Variants in SKP2 observed in about 807,000 individuals in gnomAD.
SKP2 encodes S-phase kinase associated protein 2.
A neutral mutation model predicts 51.8 loss-of-function variants in SKP2; 16 were observed. That is an observed-to-expected ratio of 0.31 (90% CI 0.21 to 0.47). The LOEUF is 0.47. Among genes scored for constraint, SKP2 ranks in the 20% least tolerant of loss-of-function variants. SKP2 has a pLI of 1.00. For missense variants in SKP2, 377 were observed against 505.3 expected (o/e 0.75, Z 2.43); for synonymous variants, 176 against 198.6 (o/e 0.89, Z 0.96).
rs982106091 is a variant in SKP2 at position 36,180,168 on chromosome 5, A to G, written c.1062-1650A>G. The G allele has an allele frequency of 4.7e-6, 3 of 640,452 alleles. No homozygotes were observed. The African/African-American group carries it at 5.6e-5, about 12-fold the overall frequency. The allele number at this position is 640,452 out of a possible 1,614,324, so 39.7% of individuals were successfully genotyped here. ...CAGTTTCTTCCCTTAAATATTCTCC[A>G]GTGCAGAATGGCTCACAATTTGGCT... On this transcript the variant is annotated intron_variant, in intron 9 of 9. Coordinates refer to ENST00000274255, the MANE Select transcript of SKP2 (RefSeq NM_005983.4).
Position 36,182,587 on chromosome 5 carries a change from A to G in SKP2, c.*556A>G, listed in dbSNP as rs1472807030. The G allele has an allele frequency of 1.3e-5, 13 of 982,904 alleles. No homozygotes were observed. Among genetic ancestry groups the G allele is most frequent in the African/African-American group, 1.2e-4 (7 of 57,192 alleles). The allele number at this position is 982,904 out of a possible 1,614,324, so 60.9% of individuals were successfully genotyped here. ...TTGCCTTTAGATTTGAAATTAGGTT[A>G]ATAGAAATAAGTAACCCCATGTAAT... On this transcript the variant is annotated 3_prime_UTR_variant, in exon 10 of 10. Transcript: ENST00000274255.
At chr5:36,154,338 A>G (rs1490773736) in intron 2 of SKP2, among the ~76,000 whole-genome samples, 1 of 152,138 alleles carries the variant, frequency 6.6e-6, no homozygotes, top group Non-Finnish European at 1.5e-5. Flanking sequence ...TGGTGCATAA[A>G]TGTGACGTAT....
At chr5:36,166,333 A>G (rs187003507) in intron 3 of SKP2, among the ~76,000 whole-genome samples, 186 bp from the exon 4 acceptor site, 26 of 152,370 alleles carry the variant, frequency 1.7e-4, no homozygotes, top group South Asian at 1.4e-3. Context: ...TGGTGAAATC[A>G]AGAAAAATTC....
Position 36,184,076 on chromosome 5 carries a change from A to AACCAC in SKP2, c.*2046_*2047insCCACA. ...ATTCCTTTTTTCTTTCTCTTTTTTT[A>AACCAC]AGTGCTGTGGTTAAAATTTGAAAGC... On this transcript the variant is annotated 3_prime_UTR_variant, in exon 10 of 10. Transcript: ENST00000274255. 1.1e-6 allele frequency: 1 copy of AACCAC among 873,746 alleles called. No homozygotes were observed. Among genetic ancestry groups the AACCAC allele is most frequent in the Non-Finnish European group, 1.8e-6 (1 of 570,584 alleles). 54.1% of individuals were successfully genotyped at this position (873,746 alleles called of 1,614,324 possible). A position where few individuals can be genotyped will look rare whatever the true frequency, so the allele number is the denominator to read the frequency against.
chr5:36,185,171 A>G (rs774291492), downstream of SKP2, among the ~76,000 whole-genome samples: 2 of 152,148 alleles, frequency 1.3e-5, no homozygotes, highest in Non-Finnish European at 2.9e-5. Flanking sequence ...CGTTTGTCAG[A>G]TGAGTAGATT....
intron 2 of SKP2, among the ~76,000 whole-genome samples, 178 bp downstream of exon 2, chr5:36,153,220 A>ATATATATATATATATATATATATATATG (rs1211855219): frequency 8.2e-4 from 3 of 3,674 alleles, no homozygotes; most frequent in African/African-American, 1.5e-3. Context: ...GTAGATATAT[A>ATATATATATATATATATATATATATATG]TATATATATA....
At chr5:36,191,423 T>G (rs1746022612) in intron 6 of SKP2, among the ~76,000 whole-genome samples, 1 of 151,628 alleles carries the variant, frequency 6.6e-6, no homozygotes, top group Admixed American at 6.6e-5. Flanking sequence ...CAGGAGACAC[T>G]TGATAAGTAA....
intron 3 of SKP2, among the ~76,000 whole-genome samples, chr5:36,165,882 C>T (rs1017106643): frequency 6.6e-6 from 1 of 152,128 alleles, no homozygotes; most frequent in African/African-American, 2.4e-5. Context: ...GTTTTAGAAA[C>T]ACCATCTATA....
chr5:36,153,342 C>G (rs893617254), intron 2 of SKP2, among the ~76,000 whole-genome samples: 2 of 152,110 alleles, frequency 1.3e-5, no homozygotes, highest in Non-Finnish European at 2.9e-5. Context: ...AAGGCCAGCT[C>G]AGTTTCACCG....
intron 2 of SKP2, among the ~76,000 whole-genome samples, chr5:36,159,438 C>G (rs1017200472): frequency 4.6e-5 from 7 of 152,182 alleles, no homozygotes; most frequent in African/African-American, 1.4e-4. Context: ...TTTCCCCAGC[C>G]ATAATTTCTG....
chr5:36,182,763 A>T lies in SKP2; in HGVS notation c.*732A>T. The T allele has an allele frequency of 1.0e-6, 1 of 978,912 alleles. No homozygotes were observed. Among genetic ancestry groups the T allele is most frequent in the Middle Eastern group, 5.3e-4 (1 of 1,898 alleles). The allele number at this position is 978,912 out of a possible 1,614,324, so 60.6% of individuals were successfully genotyped here. ...TTAAGTTACTGTGTTTCCAGAATCT[A>T]AATTAGATGAGAAATATAATTGTGG... On this transcript the variant is annotated 3_prime_UTR_variant, in exon 10 of 10. Coordinates refer to ENST00000274255, the MANE Select transcript of SKP2 (RefSeq NM_005983.4).
rs768881778 is a variant in SKP2 at position 36,176,941 on chromosome 5, A to G, written c.902-24A>G. ...TCTTGTTCCTCATTTAATAGTGACC[A>G]TCATGTTTTTTTGCTTTTCCTAGAT... On this transcript the variant is annotated intron_variant, in intron 7 of 9. Transcript: ENST00000274255. 9 of 1,504,672 alleles carry G rather than the reference A, an allele frequency of 6.0e-6. No homozygotes were observed. The African/African-American group carries it at 1.2e-4, about 21-fold the overall frequency. The allele number at this position is 1,504,672 out of a possible 1,614,324, so 93.2% of individuals were successfully genotyped here. A position where few individuals can be genotyped will look rare whatever the true frequency, so the allele number is the denominator to read the frequency against.
At chr5:36,176,241 T>C (rs1056515342) in intron 7 of SKP2, among the ~76,000 whole-genome samples, 2 of 151,948 alleles carry the variant, frequency 1.3e-5, no homozygotes, top group Non-Finnish European at 2.9e-5. Flanking sequence ...TTATCTTTTT[T>C]CTCTTTATAT....
intron 2 of SKP2, among the ~76,000 whole-genome samples, chr5:36,162,319 T>G (rs1745147736): frequency 6.6e-6 from 1 of 152,204 alleles, no homozygotes; most frequent in Admixed American, 6.5e-5. Flanking sequence ...TCCTTGGATC[T>G]AGAACACGTA....
chr5:36,189,577 G>T (rs1232032464), intron 6 of SKP2, among the ~76,000 whole-genome samples: 1 of 152,188 alleles, frequency 6.6e-6, no homozygotes, highest in Non-Finnish European at 1.5e-5. Context: ...CCGTTCCTCT[G>T]GAAGTTTCAT....
chr5:36,158,516 T>A (rs563088012), intron 2 of SKP2, among the ~76,000 whole-genome samples: 1 of 152,316 alleles, frequency 6.6e-6, no homozygotes, highest in African/African-American at 2.4e-5. Flanking sequence ...GGCTGCTAGC[T>A]GAGTATGTGT....
At chr5:36,177,532 G>A (rs1326180750) in intron 9 of SKP2, 12 of 544,850 alleles carry the variant, frequency 2.2e-5, no homozygotes, top group South Asian at 1.2e-4. Context: ...CTAGCTTGCT[G>A]TCTTAGTATC....
chr5:36,174,416 G>T (rs1745567429), intron 7 of SKP2, among the ~76,000 whole-genome samples: 1 of 152,138 alleles, frequency 6.6e-6, no homozygotes. Flanking sequence ...TTCTCCAGTG[G>T]TGTCAAAGTA....
At chr5:36,190,788 C>T (rs1175328116) in intron 6 of SKP2, among the ~76,000 whole-genome samples, 5 of 151,868 alleles carry the variant, frequency 3.3e-5, no homozygotes, top group African/African-American at 1.2e-4. Context: ...TCAACCATTC[C>T]CCTCCAATAC....
Sources: allele counts gnomAD v4.1 joint callset (sites outside exome capture counted in the v4.1 genomes callset), GRCh38; gene constraint gnomAD v4.1.1; transcripts MANE v1.5; gene names NCBI Gene and HGNC (gene_info 2026-07-23, HGNC 2026-07-21).